LARP4B: variants seen among roughly 807,000 people sequenced by gnomAD.
LARP4B encodes La ribonucleoprotein 4B.
Under a neutral mutation model 89.8 loss-of-function variants are expected in LARP4B, and 12 were observed. The ratio of observed to expected loss-of-function variants is 0.13; its 90% CI spans 0.09 to 0.22. The LOEUF is 0.22. Among genes scored for constraint, LARP4B ranks in the 10% least tolerant of loss-of-function variants. The probability of loss-of-function intolerance (pLI) is 1.00; values close to 1 mark genes in which losing one functional copy is unlikely to be tolerated. For missense variants in LARP4B, 757 were observed against 947.7 expected, an observed-to-expected ratio of 0.80 and a Z score of 2.64; for synonymous variants, 367 against 363.3, an observed-to-expected ratio of 1.01 and a Z score of -0.12.
chr10:863,676 C>G (rs2131841428), intron 5 of LARP4B, 67 bp downstream of exon 5: 1 of 1,480,254 alleles, frequency 6.8e-7, no homozygotes, highest in South Asian at 1.4e-5. Context: ...TGTTAATACT[C>G]TAAATAAAAA....
At chr10:965,623 C>G in the LARP4B span, among the ~76,000 whole-genome samples, 1 of 151,778 alleles carries the variant, frequency 6.6e-6, no homozygotes, top group Non-Finnish European at 1.5e-5. Flanking sequence ...CTGCACTAAC[C>G]AGGTGCTGAT....
At chr10:923,295 G>A (rs1837038044) in intron 1 of LARP4B, among the ~76,000 whole-genome samples, 1 of 152,174 alleles carries the variant, frequency 6.6e-6, no homozygotes, top group South Asian at 2.1e-4. Context: ...TACTTTTAAA[G>A]TCAGGACTGA....
chr10:897,490 G>A (rs1455335383), intron 1 of LARP4B, among the ~76,000 whole-genome samples: 1 of 152,024 alleles, frequency 6.6e-6, no homozygotes, highest in Non-Finnish European at 1.5e-5. Flanking sequence ...GACACTAAAA[G>A]TATAAACAGG....
intron 5 of LARP4B, among the ~76,000 whole-genome samples, chr10:849,410 A>C (rs1300876442): frequency 6.6e-6 from 1 of 152,278 alleles, no homozygotes; most frequent in Non-Finnish European, 1.5e-5. Context: ...CAAAGCTAGA[A>C]GAACAATTTG....
the LARP4B span, among the ~76,000 whole-genome samples, chr10:982,164 G>A: frequency 0.13 from 17,655 of 132,550 alleles, 1,450 homozygotes; most frequent in Non-Finnish European, 0.19. Flanking sequence ...TGCCCAGGCT[G>A]GAGTGCAGTG....
rs376751506 is a variant in LARP4B at position 912,096 on chromosome 10, T to G, written c.-40+19332A>C. ...TTGCAGTGAGAAGCACTGTGGAAGC[T>G]CTGCGTGGCAGGTGTTATGGCGTTT... On this transcript the variant is annotated intron_variant, in intron 1 of 17. Coordinates refer to ENST00000316157, the MANE Select transcript of LARP4B (RefSeq NM_015155.3). Among the ~76,000 whole-genome samples, 14 of 152,304 alleles carry G rather than the reference T, an allele frequency of 9.2e-5. No individual in the cohort carries two copies. In the South Asian group the frequency reaches 2.9e-3, roughly 32 times the overall value.
chr10:815,290 C>A, intron 15 of LARP4B: 1 of 392,070 alleles, frequency 2.6e-6, no homozygotes, highest in Non-Finnish European at 4.5e-6. Flanking sequence ...ACTGTTCTTA[C>A]ATCACAGGCC....
Position 843,501 on chromosome 10 carries a change from C to T in LARP4B, c.510-433G>A, listed in dbSNP as rs181536297. 2.6e-5 allele frequency among the ~76,000 whole-genome samples: 4 copies of T among 152,218 alleles called. No individual in the cohort carries two copies. The East Asian group carries it at 7.7e-4, about 29-fold the overall frequency. On this transcript the variant is annotated intron_variant, in intron 6 of 17. Coordinates refer to ENST00000316157, the MANE Select transcript of LARP4B (RefSeq NM_015155.3). ...ATCATCTGGGTTCAGGAGTTTAAGA[C>T]CAGCCTGACCAACATGGTGAAACCC...
chr10:833,832 T>C (rs1833057287), intron 8 of LARP4B, among the ~76,000 whole-genome samples: 2 of 144,952 alleles, frequency 1.4e-5, no homozygotes, highest in Admixed American at 1.4e-4. Flanking sequence ...GAGGTTGCAG[T>C]GAGCTGAGAT....
intron 1 of LARP4B, among the ~76,000 whole-genome samples, chr10:915,857 T>G (rs1291476889): frequency 6.6e-6 from 1 of 152,076 alleles, no homozygotes; most frequent in Non-Finnish European, 1.5e-5. Context: ...AAAAGGTTTT[T>G]GCTTTTTGAA....
At chr10:965,665 G>A in the LARP4B span, among the ~76,000 whole-genome samples, 1 of 151,704 alleles carries the variant, frequency 6.6e-6, no homozygotes, top group Non-Finnish European at 1.5e-5. Flanking sequence ...GGTTGTTTAT[G>A]CGCCAAGTCG....
the LARP4B span, among the ~76,000 whole-genome samples, chr10:974,877 C>A: frequency 6.6e-6 from 1 of 152,234 alleles, no homozygotes; most frequent in Non-Finnish European, 1.5e-5. Flanking sequence ...GCTCAAGCCT[C>A]CCACTCTGCC....
the LARP4B span, chr10:973,106 G>C: frequency 2.8e-6 from 1 of 357,788 alleles, no homozygotes; most frequent in East Asian, 7.4e-5. Flanking sequence ...TTCTTGCAGA[G>C]AGTAAAGGAG....
chr10:945,117 C>T, the LARP4B span, among the ~76,000 whole-genome samples: 1 of 152,170 alleles, frequency 6.6e-6, no homozygotes, highest in Non-Finnish European at 1.5e-5. Context: ...GGCATGGTGG[C>T]TCACCCCTGT....
chr10:955,671 C>T, the LARP4B span, among the ~76,000 whole-genome samples: 1 of 152,106 alleles, frequency 6.6e-6, no homozygotes, highest in Non-Finnish European at 1.5e-5. This position sits in a 1 kb window ranked among gnomAD's most constrained non-coding sequence, Gnocchi z 5.2. Flanking sequence ...AGAGCTTTTC[C>T]GGGCTGCCTG....
chr10:808,133 G>T (rs1831618734), downstream of LARP4B: 1 of 152,252 alleles, frequency 6.6e-6, no homozygotes, highest in African/African-American at 2.4e-5. Flanking sequence ...TGGCTCTCTT[G>T]TGGGACCTGC....
the LARP4B span, among the ~76,000 whole-genome samples, chr10:967,722 C>G: frequency 5.3e-5 from 8 of 152,288 alleles, no homozygotes; most frequent in South Asian, 2.1e-4. Flanking sequence ...GCCGGGAATT[C>G]CGTGGGCACA....
chr10:987,718 G>T, the LARP4B span: 1 of 152,256 alleles, frequency 6.6e-6, no homozygotes, highest in Non-Finnish European at 1.5e-5. Flanking sequence ...AGCAGTAAAG[G>T]CTCCATCCTC....
chr10:843,302 A>G (rs1048068276), intron 6 of LARP4B, among the ~76,000 whole-genome samples: 1 of 152,248 alleles, frequency 6.6e-6, no homozygotes, highest in Non-Finnish European at 1.5e-5. Flanking sequence ...TACTTTCTAC[A>G]ATCAAAATTT....
Sources: gnomAD v4.1 joint callset for allele counts (sites outside exome capture counted in the v4.1 genomes callset) on GRCh38, gnomAD v4.1.1 for gene constraint, Gnocchi (gnomAD v3.1) non-coding constraint, MANE v1.5 for transcripts, NCBI Gene and HGNC (gene_info 2026-07-23, HGNC 2026-07-21) for gene names.